Variants in THRB observed in about 807,000 individuals in gnomAD.
THRB encodes the protein nuclear receptor subfamily 1 group A member 2.
Under a neutral mutation model 47.8 loss-of-function variants are expected in THRB, and 12 were observed. The ratio of observed to expected loss-of-function variants is 0.25; its 90% CI spans 0.16 to 0.41. THRB has a LOEUF of 0.41. Ranked by LOEUF, THRB falls within the 10% of genes least tolerant of loss-of-function variation. The pLI is 1.00. For missense variants in THRB, 348 were observed against 589.2 expected (o/e 0.59, Z 4.24); for synonymous variants, 218 against 212.2 (o/e 1.03, Z -0.24).
chr3:24,269,432 CACACACACACTT>C (rs1356918474), intron 3 of THRB, among the ~76,000 whole-genome samples: 10 of 132,358 alleles, frequency 7.6e-5, no homozygotes, highest in African/African-American at 2.8e-4. Flanking sequence ...CACACACACA[CACACACACACTT>C]AAGTTATCTT....
intron 6 of THRB, among the ~76,000 whole-genome samples, chr3:24,147,987 A>G (rs2036339341): frequency 2.0e-5 from 3 of 152,202 alleles, no homozygotes; most frequent in Admixed American, 2.0e-4. Context: ...TATATGATGT[A>G]TAATGAAGTA....
At position 24,162,368 on chromosome 3, in the gene THRB, T is replaced by C. The variant is rs554645360; in HGVS notation, c.284-9878A>G. On this transcript the variant is annotated intron_variant, in intron 5 of 10. Transcript: ENST00000646209. ...CAGCCAGCACTGGCCCCGTGAGGAC[T>C]TAGCATAGCATTTCACAGCTATGTC... 7.8e-4 allele frequency among the ~76,000 whole-genome samples: 119 copies of C among 152,274 alleles called. 1 individual carries two copies. The highest frequency in any genetic ancestry group is 7.9e-4 in the Non-Finnish European group (54 of 68,012).
At chr3:24,447,849 C>T (rs1485447905) in intron 1 of THRB, among the ~76,000 whole-genome samples, 3 of 151,792 alleles carry the variant, frequency 2.0e-5, no homozygotes, top group Non-Finnish European at 4.4e-5. Flanking sequence ...CAAATGGTAT[C>T]GGAGGAGTTT....
At chr3:24,132,735 G>A (rs536671712) in intron 9 of THRB, among the ~76,000 whole-genome samples, 2 of 152,208 alleles carry the variant, frequency 1.3e-5, no homozygotes, top group African/African-American at 4.8e-5. Flanking sequence ...TGAGCTTATA[G>A]GAAAAGACGA....
chr3:24,343,367 AC>A (rs1392374638), intron 1 of THRB, among the ~76,000 whole-genome samples: 1 of 152,132 alleles, frequency 6.6e-6, no homozygotes, highest in Non-Finnish European at 1.5e-5. Flanking sequence ...AGGGTCAAAA[AC>A]ATAACAGTGG....
chr3:24,399,903 G>C (rs1306275318), intron 1 of THRB, among the ~76,000 whole-genome samples: 1 of 152,070 alleles, frequency 6.6e-6, no homozygotes, highest in Non-Finnish European at 1.5e-5. Context: ...AAAAAAGGAG[G>C]GGAAGAAGGT....
chr3:24,348,666 T>C (rs1417143441), intron 1 of THRB: 1 of 152,130 alleles, frequency 6.6e-6, no homozygotes, highest in Non-Finnish European at 1.5e-5. Flanking sequence ...AGTATTTCCA[T>C]GGCCTTACTG....
At chr3:24,239,140 C>A (rs1168325637) in intron 3 of THRB, among the ~76,000 whole-genome samples, 1 of 152,094 alleles carries the variant, frequency 6.6e-6, no homozygotes, top group Non-Finnish European at 1.5e-5. Context: ...CAGGGTTTCA[C>A]CATGTTGGCC....
In THRB at chr3:24,371,853, A is replaced by G. The variant is rs138247954; in HGVS notation, c.-260-34482T>C. Among the ~76,000 whole-genome samples the G allele has an allele frequency of 5.8e-3, 880 of 152,272 alleles. 2 individuals are homozygous for G. The highest frequency in any genetic ancestry group is 8.8e-3 in the Non-Finnish European group (600 of 68,016). ...TTCTAAATATGTTTCAAGGTAGTTC[A>G]ACCTACATTTGATATTTATGATTCT... On this transcript the variant is annotated intron_variant, in intron 1 of 10. Coordinates refer to ENST00000646209, the MANE Select transcript of THRB (RefSeq NM_001354712.2).
At chr3:24,254,163 A>T (rs9832292) in intron 3 of THRB, among the ~76,000 whole-genome samples, 88,540 of 138,682 alleles carry the variant, frequency 0.64, 28,814 homozygotes, top group Middle Eastern at 0.76. Flanking sequence ...GGAGATCGAG[A>T]CCATCCTGGC....
chr3:24,224,727 A>T (rs1035027995), intron 4 of THRB, among the ~76,000 whole-genome samples: 1 of 152,176 alleles, frequency 6.6e-6, no homozygotes, highest in African/African-American at 2.4e-5. Context: ...TTTTCTTTAT[A>T]CTCAACCATC....
At chr3:24,181,810 T>C (rs1239808105) in intron 5 of THRB, among the ~76,000 whole-genome samples, 1 of 152,224 alleles carries the variant, frequency 6.6e-6, no homozygotes, top group Non-Finnish European at 1.5e-5. Context: ...TTGTCTTTAT[T>C]GGACCCTGCC....
intron 1 of THRB, among the ~76,000 whole-genome samples, chr3:24,378,476 G>A (rs1408616477): frequency 6.6e-6 from 1 of 152,058 alleles, no homozygotes; most frequent in Non-Finnish European, 1.5e-5. Context: ...TTAGCCTTGT[G>A]ATCACGGTGA....
chr3:24,177,295 A>C (rs932654264), intron 5 of THRB, among the ~76,000 whole-genome samples: 1 of 152,190 alleles, frequency 6.6e-6, no homozygotes, highest in Non-Finnish European at 1.5e-5. Flanking sequence ...CAGCCAATAG[A>C]ATTTTCATCA....
At chr3:24,441,688 C>T (rs1427859193) in intron 1 of THRB, among the ~76,000 whole-genome samples, 1 of 152,198 alleles carries the variant, frequency 6.6e-6, no homozygotes, top group Non-Finnish European at 1.5e-5. Context: ...TACACGACCA[C>T]TGTGAGAAAG....
chr3:24,127,418 C>G, intron 10 of THRB, 81 bp downstream of exon 10: 1 of 1,487,772 alleles, frequency 6.7e-7, no homozygotes, highest in South Asian at 1.1e-5. Context: ...TAAAGGGGGA[C>G]TGAAAACTCA....
chr3:24,145,288 T>C (rs1053545143), intron 7 of THRB, among the ~76,000 whole-genome samples: 1 of 152,078 alleles, frequency 6.6e-6, no homozygotes, highest in Admixed American at 6.6e-5. Context: ...AAGTGACAGA[T>C]CTGGGACTCG....
intron 1 of THRB, among the ~76,000 whole-genome samples, chr3:24,413,283 T>C (rs1034407644): frequency 1.3e-5 from 2 of 151,854 alleles, no homozygotes; most frequent in African/African-American, 4.8e-5. Flanking sequence ...AACATTCTTG[T>C]GTTACAATAT....
chr3:24,193,325 C>T (rs1038992764), intron 4 of THRB, among the ~76,000 whole-genome samples: 1 of 152,084 alleles, frequency 6.6e-6, no homozygotes, highest in Non-Finnish European at 1.5e-5. Flanking sequence ...ACACTGAAGA[C>T]CAGGCTTTTT....
Sources: gnomAD v4.1 joint callset for allele counts (sites outside exome capture counted in the v4.1 genomes callset) on GRCh38, gnomAD v4.1.1 for gene constraint, MANE v1.5 for transcripts, NCBI Gene and HGNC (gene_info 2026-07-23, HGNC 2026-07-21) for gene names.